The following CFAP206 variants were observed in gnomAD, a reference collection of about 807,000 sequenced individuals.
CFAP206 encodes cilia- and flagella-associated protein 206.
A neutral mutation model predicts 65.4 loss-of-function variants in CFAP206; 53 were observed. The observed-to-expected ratio is 0.81, with a 90% CI of 0.65 to 1.02. The LOEUF is 1.02. CFAP206 is among the 50% of genes least tolerant of loss of function. CFAP206 has a pLI of 0.00. For synonymous variants in CFAP206, 250 were observed against 254.4 expected (o/e 0.98, Z 0.17); for missense variants, 663 against 753.2 (o/e 0.88, Z 1.40).
At chr6:87,462,175 A>G (rs940994127) in intron 12 of CFAP206, among the ~76,000 whole-genome samples, 15 of 152,206 alleles carry the variant, frequency 9.9e-5, no homozygotes, top group Non-Finnish European at 2.1e-4. Flanking sequence ...TACAGGCTGC[A>G]AGTCAAAGAG....
chr6:87,418,521 A>G, intron 7 of CFAP206, 105 bp downstream of exon 7: 5 of 899,878 alleles, frequency 5.6e-6, no homozygotes, highest in Non-Finnish European at 8.8e-6. Context: ...AAACCTCAGT[A>G]ACTGCTCGGT....
chr6:87,419,583 A>C (rs906812150), intron 7 of CFAP206, among the ~76,000 whole-genome samples: 1 of 152,156 alleles, frequency 6.6e-6, no homozygotes, highest in African/African-American at 2.4e-5. Context: ...TCTGTTTTCC[A>C]GTAACTATGA....
intron 3 of CFAP206, among the ~76,000 whole-genome samples, chr6:87,412,315 C>G (rs1767747669): frequency 6.6e-6 from 1 of 152,144 alleles, no homozygotes; most frequent in Non-Finnish European, 1.5e-5. Context: ...CTCAGTCTTG[C>G]ATTCTCCCCT....
intron 8 of CFAP206, among the ~76,000 whole-genome samples, chr6:87,427,238 C>T (rs958889140): frequency 1.3e-5 from 2 of 152,104 alleles, no homozygotes; most frequent in African/African-American, 4.8e-5. Context: ...CCTGGGTTCA[C>T]GCCATTCTCC....
chr6:87,434,502 C>CTTTTTT (rs377378986), intron 10 of CFAP206, among the ~76,000 whole-genome samples: 7 of 134,480 alleles, frequency 5.2e-5, no homozygotes, highest in South Asian at 2.3e-4. Context: ...TTTTCTTTTT[C>CTTTTTT]TTTTTTTTTT....
At chr6:87,431,787 C>T (rs148014455) in intron 10 of CFAP206, among the ~76,000 whole-genome samples, 2 of 152,076 alleles carry the variant, frequency 1.3e-5, no homozygotes, top group African/African-American at 4.8e-5. Flanking sequence ...AGAAATGTTA[C>T]ACAACATTAC....
chr6:87,422,029 AAGGT>A (rs2127949550), intron 7 of CFAP206, among the ~76,000 whole-genome samples: 1 of 152,324 alleles, frequency 6.6e-6, no homozygotes, highest in South Asian at 2.1e-4. Flanking sequence ...AAGTGTTTAA[AAGGT>A]AGGGGGAAGG....
chr6:87,461,078 A>C lies in CFAP206; in HGVS notation c.1551A>C (p.Thr517=). The change falls in exon 12 of 13, where the codon ACA becomes ACC. Residue 517 remains threonine, a synonymous_variant. Coordinates refer to ENST00000369562, the MANE Select transcript of CFAP206 (RefSeq NM_001031743.3). ...CAATTACAAAATGTGAAAGTAGCAC[A>C]CAGACGAATACACACATACTGCCAC... The part of the protein sequence containing the change: ...IKPITKCESS[T]QTNTHILPPT... 5 of 1,593,566 alleles carry C rather than the reference A, an allele frequency of 3.1e-6. No individual in the cohort carries two copies. The highest frequency in any genetic ancestry group is 4.3e-6 in the Non-Finnish European group (5 of 1,172,904).
intron 11 of CFAP206, among the ~76,000 whole-genome samples, chr6:87,442,744 G>T (rs990450478): frequency 2.6e-5 from 4 of 151,938 alleles, no homozygotes; most frequent in Non-Finnish European, 5.9e-5. Flanking sequence ...TGATCGTTTG[G>T]CCTTTATCCT....
chr6:87,413,483 C>T (rs980627543), intron 3 of CFAP206, among the ~76,000 whole-genome samples: 8 of 151,962 alleles, frequency 5.3e-5, no homozygotes, highest in Admixed American at 5.2e-4. Flanking sequence ...GAGAGGGGAG[C>T]GAGGGATAAG....
intron 11 of CFAP206, among the ~76,000 whole-genome samples, chr6:87,446,531 C>T (rs547125689): frequency 6.6e-6 from 1 of 152,148 alleles, no homozygotes. Flanking sequence ...TTTCTGAGTT[C>T]TCTATTCTGT....
intron 3 of CFAP206, among the ~76,000 whole-genome samples, chr6:87,411,245 G>C (rs1172556336): frequency 1.3e-5 from 2 of 152,220 alleles, no homozygotes; most frequent in Admixed American, 1.3e-4. Flanking sequence ...ATACTGTGAA[G>C]TTAAATAGAA....
Position 87,426,549 on chromosome 6 carries a change from A to G in CFAP206, c.864A>G (p.Gln288=), listed in dbSNP as rs1348186389. 22 of 1,589,104 alleles carry G rather than the reference A, an allele frequency of 1.4e-5. No individual in the cohort carries two copies. Among genetic ancestry groups the G allele is most frequent in the Middle Eastern group, 1.9e-4 (1 of 5,370 alleles). Residue 288 remains glutamine, a synonymous_variant, in exon 8 of 13, where the codon CAA becomes CAG. Coordinates refer to ENST00000369562, the MANE Select transcript of CFAP206 (RefSeq NM_001031743.3). ...IILSDIITGA[Q]EVEMMTKQLG... ...AGTCAGATATAATTACTGGTGCTCA[A>G]GAAGTGGAAATGATGACAAAACAGT...
rs997277515 is a variant in CFAP206, at chr6:87,448,704, G to A, written c.1495-12318G>A. ...CCACTATTCTACTCCCTACTTATAT[G>A]GGCATGATCTATGGGATCAACTTTT... On this transcript the variant is annotated intron_variant, in intron 11 of 12. Transcript: ENST00000369562. 6.6e-5 allele frequency among the ~76,000 whole-genome samples: 10 copies of A among 151,954 alleles called. 1 individual carries two copies. Among genetic ancestry groups the A allele is most frequent in the Admixed American group, 3.3e-4 (5 of 15,252 alleles).
chr6:87,419,125 T>G (rs368717682), intron 7 of CFAP206, among the ~76,000 whole-genome samples: 28 of 151,776 alleles, frequency 1.8e-4, no homozygotes, highest in East Asian at 1.4e-3. Context: ...ACGTTTGTTT[T>G]TTTTTTTGTT....
intron 11 of CFAP206, among the ~76,000 whole-genome samples, chr6:87,457,893 T>C (rs1168279202): frequency 6.6e-6 from 1 of 152,104 alleles, no homozygotes; most frequent in Non-Finnish European, 1.5e-5. Context: ...ACTCACAGAA[T>C]GGGAGAAAAT....
chr6:87,434,926 C>A lies in CFAP206; in HGVS notation c.1367C>A (p.Ala456Glu). ...TACACATTCAATAGTAAAGATGCTGCATATTCATTTGCAGAAAATCCTGAA... is the reference window on the plus strand; with the variant it reads ...TACACATTCAATAGTAAAGATGCTGAATATTCATTTGCAGAAAATCCTGAA... The part of the protein sequence containing the change: ...KYYTFNSKDA[A>E]YSFAENPEHY... Residue 456 changes from alanine (A) to glutamate (E), a missense_variant, in exon 11 of 13, where the codon GCA (alanine) becomes GAA (glutamate). Ala to Glu is a moderately radical substitution (Grantham distance 107). Coordinates refer to ENST00000369562, the MANE Select transcript of CFAP206 (RefSeq NM_001031743.3). 6.5e-7 allele frequency: 1 copy of A among 1,547,452 alleles called. No individual in the cohort carries two copies. The highest frequency in any genetic ancestry group is 1.4e-5 in the African/African-American group (1 of 73,366).
intron 5 of CFAP206, 32 bp from the exon 6 acceptor site, chr6:87,416,637 T>C (rs1363889122): frequency 1.9e-6 from 3 of 1,549,700 alleles, no homozygotes; most frequent in Non-Finnish European, 2.6e-6. Flanking sequence ...TATCATTTTG[T>C]TTTCCTTTTT....
rs149149006 is a variant in CFAP206, at chr6:87,457,009, G to A, written c.1495-4013G>A. ...CTAAAAATACAAAAAAATTAGCCACGCGTGGTGGCAGGTGCCTGTTGTCCC... is the reference window on the plus strand; with the variant it reads ...CTAAAAATACAAAAAAATTAGCCACACGTGGTGGCAGGTGCCTGTTGTCCC... On this transcript the variant is annotated intron_variant, in intron 11 of 12. Transcript: ENST00000369562. 3.9e-3 allele frequency among the ~76,000 whole-genome samples: 592 copies of A among 151,958 alleles called. 2 individuals carry two copies. Among genetic ancestry groups the A allele is most frequent in the African/African-American group, 0.014 (565 of 41,462 alleles).
Sources: allele counts gnomAD v4.1 joint callset (sites outside exome capture counted in the v4.1 genomes callset), GRCh38; gene constraint gnomAD v4.1.1; transcripts MANE v1.5; gene names NCBI Gene and HGNC (gene_info 2026-07-23, HGNC 2026-07-21).